Variants in MTRR observed in about 807,000 individuals in gnomAD.
The protein encoded by MTRR is methionine synthase reductase.
A neutral mutation model predicts 79.2 loss-of-function variants in MTRR; 63 were observed. The observed-to-expected ratio is 0.80, with a 90% CI of 0.65 to 0.98. The LOEUF (loss-of-function observed/expected upper bound fraction) is 0.98, where lower values mean the gene tolerates loss of function less well. Ranked by LOEUF, MTRR falls within the 50% of genes least tolerant of loss-of-function variation. The probability of loss-of-function intolerance (pLI) is 0.00; values close to 1 mark genes in which losing one functional copy is unlikely to be tolerated. For synonymous variants in MTRR, 355 were observed against 313.3 expected, an observed-to-expected ratio of 1.13 and a Z score of -1.41; for missense variants, 895 against 839.6, an observed-to-expected ratio of 1.07 and a Z score of -0.82.
rs368277818 is a variant in MTRR at position 7,895,150 on chromosome 5, T to C, written c.1558-584T>C. 1.4e-4 allele frequency among the ~76,000 whole-genome samples: 21 copies of C among 152,226 alleles called. No individual in the cohort carries two copies. The East Asian group carries it at 1.9e-3, about 14-fold the overall frequency. On this transcript the variant is annotated intron_variant, in intron 11 of 14. Coordinates refer to ENST00000440940, the MANE Select transcript of MTRR (RefSeq NM_002454.3). Reference sequence around the variant, plus strand: ...CAGTGAAACTGGAAGTGAAACATACTCAGATTGATTCAGAAATATCTTTTG... The same window carrying C: ...CAGTGAAACTGGAAGTGAAACATACCCAGATTGATTCAGAAATATCTTTTG...
At chr5:7,895,485 C>G (rs147241672) in intron 11 of MTRR, among the ~76,000 whole-genome samples, 2 of 152,248 alleles carry the variant, frequency 1.3e-5, no homozygotes, top group Non-Finnish European at 2.9e-5. Context: ...AGAGTTCTAC[C>G]TCAAAGACAC....
chr5:7,883,168 T>C lies in MTRR; in HGVS notation c.794T>C (p.Val265Ala), dbSNP rs768609406. ...TTGTTTTTCAAGGAGGAAAGCCAAGTATCTGTGACTTCAGCAGATCCAGTT... is the reference window on the plus strand; with the variant it reads ...TTGTTTTTCAAGGAGGAAAGCCAAGCATCTGTGACTTCAGCAGATCCAGTT... Reference protein sequence around the residue: ...QESLGQEESQVSVTSADPVFQ... With the variant: ...QESLGQEESQASVTSADPVFQ... Residue 265 changes from valine to alanine, a missense_variant, in exon 6 of 15, where the codon GTA becomes GCA. Transcript: ENST00000440940. 6 of 1,614,246 alleles carry C rather than the reference T, an allele frequency of 3.7e-6. No homozygotes were observed. The highest frequency in any genetic ancestry group is 2.2e-5 in the South Asian group (2 of 91,086).
intron 6 of MTRR, 41 bp from the exon 7 acceptor site, chr5:7,885,660 G>A (rs764585858): frequency 4.6e-6 from 7 of 1,533,802 alleles, no homozygotes; most frequent in South Asian, 2.3e-5. Context: ...TATGTAACAC[G>A]TATAATGTAT....
Position 7,878,127 on chromosome 5 carries a change from A to G in MTRR, c.585A>G (p.Arg195=). The G allele has an allele frequency of 1.2e-6, 2 of 1,614,094 alleles. No individual in the cohort carries two copies. Among genetic ancestry groups the G allele is most frequent in the Non-Finnish European group, 1.7e-6 (2 of 1,180,032 alleles). Residue 195 remains arginine (R), a synonymous_variant, in exon 5 of 15, where the codon AGA becomes AGG. Coordinates refer to ENST00000440940, the MANE Select transcript of MTRR (RefSeq NM_002454.3). ...LHIESQVELL[R]FDDSGRKDSE... ...TTGAATCTCAAGTCGAGCTTCTGAG[A>G]TTCGATGATTCAGGAAGAAAGGATT...
intron 14 of MTRR, among the ~76,000 whole-genome samples, chr5:7,898,733 T>C (rs1410069400): frequency 6.6e-6 from 1 of 152,154 alleles, no homozygotes; most frequent in Non-Finnish European, 1.5e-5. Context: ...CAGACACCTC[T>C]CAAGAAATTT....
chr5:7,869,332 C>T lies in MTRR; in HGVS notation c.-26+117C>T, dbSNP rs986366532. Reference sequence around the variant, plus strand: ...CCGGCTTGCGCCCGTGGTTCCCACGCCCTTCGGCCTCCGGGGGTCGCCGCG... The same window carrying T: ...CCGGCTTGCGCCCGTGGTTCCCACGTCCTTCGGCCTCCGGGGGTCGCCGCG... On this transcript the variant is annotated intron_variant, in intron 1 of 14. Coordinates refer to ENST00000440940, the MANE Select transcript of MTRR (RefSeq NM_002454.3). 104 of 1,256,290 alleles carry T rather than the reference C, an allele frequency of 8.3e-5. No individual in the cohort carries two copies. The African/African-American group carries it at 1.3e-3, about 16-fold the overall frequency. 77.8% of individuals were successfully genotyped at this position (1,256,290 alleles called of 1,614,324 possible).
chr5:7,850,902 C>G (rs771672407), upstream of MTRR: 1 of 1,358,028 alleles, frequency 7.4e-7, no homozygotes, highest in African/African-American at 1.5e-5. Context: ...AGTAGCTGTG[C>G]TCTTTGGGGT....
chr5:7,885,889 T>C (rs1736341328), intron 7 of MTRR, 35 bp downstream of exon 7: 2 of 1,613,750 alleles, frequency 1.2e-6, no homozygotes, highest in African/African-American at 2.7e-5. Flanking sequence ...TGGGGTGTTG[T>C]GGGCCAGTGG....
At chr5:7,883,116 G>T in intron 5 of MTRR, 39 bp from the exon 6 acceptor site, 1 of 1,613,796 alleles carries the variant, frequency 6.2e-7, no homozygotes, top group South Asian at 1.1e-5. Context: ...GGGTATAATT[G>T]AAAATTGCAC....
intron 1 of MTRR, among the ~76,000 whole-genome samples, chr5:7,857,351 G>A (rs1450177124): frequency 6.6e-6 from 1 of 152,174 alleles, no homozygotes; most frequent in Non-Finnish European, 1.5e-5. Flanking sequence ...TTAGCTTTAT[G>A]ATTTGACAAA....
chr5:7,866,586 A>G, upstream of MTRR: 2 of 1,295,356 alleles, frequency 1.5e-6, no homozygotes, highest in South Asian at 2.9e-5. Flanking sequence ...ATGTGACTTG[A>G]AACCACTGCC....
At chr5:7,855,715 C>T (rs1257257445) in intron 1 of MTRR, among the ~76,000 whole-genome samples, 1 of 152,152 alleles carries the variant, frequency 6.6e-6, no homozygotes, top group Non-Finnish European at 1.5e-5. Context: ...TCCTGTAATA[C>T]AAGCAAAAAC....
intron 2 of MTRR, among the ~76,000 whole-genome samples, chr5:7,871,727 C>G (rs1294447037): frequency 6.6e-6 from 1 of 152,162 alleles, no homozygotes; most frequent in Non-Finnish European, 1.5e-5. Flanking sequence ...ACCCAGCTCA[C>G]GGAAGGAGAC....
At chr5:7,868,016 G>C (rs1002007394), upstream of MTRR, 5 of 1,613,948 alleles carry the variant, frequency 3.1e-6, no homozygotes, top group Non-Finnish European at 4.2e-6. Context: ...TTTTAAAGCA[G>C]CCAGAGCTCT....
intron 11 of MTRR, chr5:7,893,220 G>A (rs1737937722): frequency 2.6e-6 from 1 of 387,426 alleles, no homozygotes; most frequent in Non-Finnish European, 4.8e-6. Context: ...GAGGGGTGGA[G>A]AACTGTCTAG....
chr5:7,896,983 C>CTGG, intron 13 of MTRR, 27 bp downstream of exon 13: 2 of 1,609,936 alleles, frequency 1.2e-6, no homozygotes, highest in Non-Finnish European at 8.5e-7. Flanking sequence ...GTATTGTACT[C>CTGG]AACCACTGAG....
chr5:7,859,581 A>G, intron 1 of MTRR: 2 of 1,284,804 alleles, frequency 1.6e-6, no homozygotes, highest in South Asian at 1.3e-5. Context: ...ATCCTTCAAA[A>G]TCTGAGGTTC....
upstream of MTRR, chr5:7,866,954 T>TACTCCATG (rs1412522236): frequency 6.2e-7 from 1 of 1,614,076 alleles, no homozygotes; most frequent in Non-Finnish European, 8.5e-7. Flanking sequence ...TCTACTGCAG[T>TACTCCATG]ACTCCATGAC....
chr5:7,882,348 C>G (rs1006810721), intron 5 of MTRR, among the ~76,000 whole-genome samples: 3 of 152,174 alleles, frequency 2.0e-5, no homozygotes, highest in Non-Finnish European at 4.4e-5. Flanking sequence ...GTGTTTCTTT[C>G]AGGTGGCAGA....
Sources: gnomAD v4.1 joint callset for allele counts (sites outside exome capture counted in the v4.1 genomes callset) on GRCh38, gnomAD v4.1.1 for gene constraint, MANE v1.5 for transcripts, NCBI Gene and HGNC (gene_info 2026-07-23, HGNC 2026-07-21) for gene names.